AR: variants seen among roughly 807,000 people sequenced by gnomAD.
AR encodes the protein androgen receptor.
In AR, 8 loss-of-function variants were observed where a neutral mutation model predicts 53.9. The ratio of observed to expected loss-of-function variants is 0.15; its 90% CI spans 0.09 to 0.27. The LOEUF (loss-of-function observed/expected upper bound fraction) is 0.27, where lower values mean the gene tolerates loss of function less well. Among genes scored for constraint, AR ranks in the 10% least tolerant of loss-of-function variants. AR has a pLI of 1.00. For synonymous variants in AR, 359 were observed against 316.4 expected, an observed-to-expected ratio of 1.13 and a Z score of -1.43; for missense variants, 639 against 742.5, an observed-to-expected ratio of 0.86 and a Z score of 1.62.
intron 2 of AR, among the ~76,000 whole-genome samples, chrX:67,681,374 G>C (rs1262229499): frequency 9.0e-6 from 1 of 111,600 alleles, no homozygotes; most frequent in Non-Finnish European, 1.9e-5. Flanking sequence ...ATACAGAGAA[G>C]GGATCCACAA....
Position 67,546,285 on chromosome X carries a change from C to G in AR, c.1139C>G (p.Pro380Arg), listed in dbSNP as rs200510049. The G allele has an allele frequency of 3.4e-4, 411 of 1,203,372 alleles. 2 individuals are homozygous for G. In the African/African-American group the frequency reaches 6.2e-3, roughly 18 times the overall value. The change falls in exon 1 of 8, where the codon CCT (proline) becomes CGT (arginine). Residue 380 changes from proline to arginine, a missense_variant. By Grantham distance (103) the Pro-to-Arg change is moderately radical. Transcript: ENST00000374690. ...ALAGPPPPPP[P>R]PHPHARIKLE... is the part of the protein sequence containing the mutation. ...GCCGGACCGCCGCCCCCTCCGCCGC[C>G]TCCCCATCCCCACGCTCGCATCAAG...
In AR at chrX:67,649,851, C is replaced by A. The variant is rs767996434; in HGVS notation, c.1768+6444C>A. Among the ~76,000 whole-genome samples the A allele has an allele frequency of 2.5e-4, 28 of 112,189 alleles. No homozygotes were observed. In the East Asian group the frequency reaches 7.3e-3, roughly 29 times the overall value. On this transcript the variant is annotated intron_variant, in intron 2 of 7. Coordinates refer to ENST00000374690, the MANE Select transcript of AR (RefSeq NM_000044.6). ...TGGTTGTTCACTCTGATGATAGTTT[C>A]TTTTGCTGTGCAGAAGCTCTTTAGT...
At chrX:67,602,524 G>A (rs1041594325) in intron 1 of AR, among the ~76,000 whole-genome samples, 3 of 112,243 alleles carry the variant, frequency 2.7e-5, no homozygotes, top group African/African-American at 9.7e-5. Context: ...AGAAAGCCAC[G>A]CAGAGATTTG....
Position 67,724,277 on chromosome X carries a change from CAA to C in AR, c.*446_*447del, listed in dbSNP as rs11351755. The stretch of plus-strand genomic sequence containing the variant: ...GGAAATCAAAACAAAAACAAGCAAA[CAA>C]AAAAAAAAAGCAAAAACAAAACAAA... On this transcript the variant is annotated 3_prime_UTR_variant, in exon 8 of 8. Coordinates refer to ENST00000374690, the MANE Select transcript of AR (RefSeq NM_000044.6). 1.8e-3 allele frequency: 270 copies of C among 147,563 alleles called. No individual in the cohort carries two copies. Among genetic ancestry groups the C allele is most frequent in the East Asian group, 2.9e-3 (29 of 9,967 alleles). 12.2% of individuals were successfully genotyped at this position (147,563 alleles called of 1,213,427 possible).
intron 2 of AR, among the ~76,000 whole-genome samples, chrX:67,663,453 C>T (rs1175320237): frequency 8.9e-6 from 1 of 112,144 alleles, no homozygotes; most frequent in Non-Finnish European, 1.9e-5. Flanking sequence ...AATATTGGCC[C>T]CCACTCTCTT....
rs2147318057 is a variant in AR at position 67,545,869 on chromosome X, G to A, written c.723G>A (p.Lys241=). 3 of 1,210,741 alleles carry A rather than the reference G, an allele frequency of 2.5e-6. No homozygotes were observed. Among genetic ancestry groups the A allele is most frequent in the Non-Finnish European group, 3.4e-6 (3 of 895,365 alleles). ...TISDNAKELC[K]AVSVSMGLGV... ...CTGACAACGCCAAGGAGTTGTGTAA[G>A]GCAGTGTCGGTGTCCATGGGCCTGG... The change falls in exon 1 of 8, where the codon AAG becomes AAA. Residue 241 remains lysine (K), a synonymous_variant. Coordinates refer to ENST00000374690, the MANE Select transcript of AR (RefSeq NM_000044.6).
chrX:67,658,904 T>C (rs1307833828), intron 2 of AR, among the ~76,000 whole-genome samples: 1 of 111,817 alleles, frequency 8.9e-6, no homozygotes, highest in Non-Finnish European at 1.9e-5. Flanking sequence ...TGCTGTGTGA[T>C]AACCAAACCT....
chrX:67,660,128 A>G (rs1343349718), intron 2 of AR, among the ~76,000 whole-genome samples: 2 of 111,537 alleles, frequency 1.8e-5, no homozygotes, highest in Non-Finnish European at 1.9e-5. Context: ...TTGTCAGATG[A>G]GTAGATTGCA....
intron 1 of AR, among the ~76,000 whole-genome samples, chrX:67,591,548 G>A (rs904618804): frequency 9.0e-6 from 1 of 111,595 alleles, no homozygotes; most frequent in Non-Finnish European, 1.9e-5. Context: ...GGTAGAGTAC[G>A]CCCCTTGGTG....
intron 1 of AR, among the ~76,000 whole-genome samples, chrX:67,638,068 T>C (rs1390508538): frequency 9.0e-6 from 1 of 111,204 alleles, no homozygotes; most frequent in East Asian, 2.8e-4. Context: ...AGTGAGAACA[T>C]GCAGTGTTTG....
chrX:67,634,675 G>T (rs1032687820), intron 1 of AR, among the ~76,000 whole-genome samples: 4 of 111,147 alleles, frequency 3.6e-5, no homozygotes, highest in African/African-American at 1.3e-4. Context: ...CAAATCTCAC[G>T]GTGGCAGGGA....
At chrX:67,609,319 C>T (rs1450767605) in intron 1 of AR, among the ~76,000 whole-genome samples, 1 of 111,234 alleles carries the variant, frequency 9.0e-6, no homozygotes, top group African/African-American at 3.3e-5. Context: ...AGTGTATTGC[C>T]ATAGTCCTCT....
At chrX:67,658,167 G>A (rs1926679359) in intron 2 of AR, among the ~76,000 whole-genome samples, 1 of 111,814 alleles carries the variant, frequency 8.9e-6, no homozygotes, top group Non-Finnish European at 1.9e-5. Flanking sequence ...GACTGTGGAG[G>A]AATGGAATCA....
intron 1 of AR, among the ~76,000 whole-genome samples, chrX:67,572,516 C>G (rs757732586): frequency 1.5e-4 from 17 of 111,240 alleles, no homozygotes; most frequent in Middle Eastern, 9.3e-3. Context: ...AATAAAGATA[C>G]TTTTTATATT....
intron 5 of AR, among the ~76,000 whole-genome samples, chrX:67,718,682 G>A (rs1415975578): frequency 9.0e-6 from 1 of 110,700 alleles, no homozygotes; most frequent in Non-Finnish European, 1.9e-5. Flanking sequence ...CCAGGCTGGA[G>A]GGCAGTGGCG....
intron 3 of AR, among the ~76,000 whole-genome samples, chrX:67,694,398 C>CAT (rs755141606): frequency 4.6e-5 from 5 of 109,225 alleles, no homozygotes; most frequent in Admixed American, 4.0e-4. Context: ...TGCACGCACA[C>CAT]ATATATATGT....
chrX:67,661,450 T>TC (rs1208216218), intron 2 of AR, among the ~76,000 whole-genome samples: 1 of 111,603 alleles, frequency 9.0e-6, no homozygotes, highest in East Asian at 2.8e-4. Context: ...TTAAAGGCCT[T>TC]TTCTGCATCT....
intron 1 of AR, among the ~76,000 whole-genome samples, chrX:67,598,369 G>A (rs191603057): frequency 3.0e-3 from 318 of 104,938 alleles, no homozygotes; most frequent in Non-Finnish European, 5.3e-3. Flanking sequence ...TGCAACCTCC[G>A]CCTCACAGGT....
At chrX:67,548,255 G>A (rs1191987053) in intron 1 of AR, among the ~76,000 whole-genome samples, 1 of 111,396 alleles carries the variant, frequency 9.0e-6, no homozygotes, top group Non-Finnish European at 1.9e-5. Flanking sequence ...ATTATTTCGT[G>A]GGCTGTTGAA....
Sources: gnomAD v4.1 joint callset for allele counts (sites outside exome capture counted in the v4.1 genomes callset) on GRCh38, gnomAD v4.1.1 for gene constraint, MANE v1.5 for transcripts, NCBI Gene and HGNC (gene_info 2026-07-23, HGNC 2026-07-21) for gene names.